TTC27: variants seen among roughly 807,000 people sequenced by gnomAD.
TTC27 encodes the protein tetratricopeptide repeat domain 27, also known as tetratricopeptide repeat protein 27.
Under a neutral mutation model 115.9 loss-of-function variants are expected in TTC27, and 79 were observed. That is an observed-to-expected ratio of 0.68 (90% CI 0.57 to 0.82). The LOEUF (loss-of-function observed/expected upper bound fraction) is 0.82. TTC27 is among the 40% of genes least tolerant of loss of function. The pLI is 0.00. For missense variants in TTC27, 1,054 were observed against 993.1 expected (o/e 1.06, Z -0.82); for synonymous variants, 401 against 356.0 (o/e 1.13, Z -1.42).
intron 13 of TTC27, among the ~76,000 whole-genome samples, chr2:32,771,154 C>G (rs949239164): frequency 2.0e-5 from 3 of 152,160 alleles, no homozygotes; most frequent in African/African-American, 7.2e-5. Context: ...AGGCAAATCT[C>G]TTCATCTTTC....
chr2:32,788,148 A>G (rs1337692760), intron 16 of TTC27, among the ~76,000 whole-genome samples: 1 of 152,224 alleles, frequency 6.6e-6, no homozygotes, highest in Non-Finnish European at 1.5e-5. Flanking sequence ...ACCTGTTCCT[A>G]AAATCTCAAG....
chr2:32,754,145 TTC>T (rs1669119548), intron 12 of TTC27, among the ~76,000 whole-genome samples: 1 of 142,362 alleles, frequency 7.0e-6, no homozygotes, highest in Non-Finnish European at 1.6e-5. Context: ...TCATTCTACA[TTC>T]TTTTTTTTTT....
intron 16 of TTC27, among the ~76,000 whole-genome samples, chr2:32,791,902 TA>T (rs922393364): frequency 2.0e-5 from 3 of 151,966 alleles, no homozygotes; most frequent in Non-Finnish European, 2.9e-5. Context: ...AATAACAAAA[TA>T]AAAAAATAAT....
At chr2:32,631,113 G>T (rs959328726) in intron 2 of TTC27, among the ~76,000 whole-genome samples, 1 of 152,142 alleles carries the variant, frequency 6.6e-6, no homozygotes, top group East Asian at 1.9e-4. Context: ...AGACCAGCCT[G>T]GCAAACATGG....
At chr2:32,813,032 TATAAA>T (rs1392481147) in intron 18 of TTC27, among the ~76,000 whole-genome samples, 2 of 152,154 alleles carry the variant, frequency 1.3e-5, no homozygotes, top group African/African-American at 2.4e-5. Flanking sequence ...ACAAAAGAAA[TATAAA>T]ATAAAAGCCT....
intron 18 of TTC27, among the ~76,000 whole-genome samples, chr2:32,816,555 A>G (rs1228762798): frequency 6.6e-6 from 1 of 152,212 alleles, no homozygotes; most frequent in Non-Finnish European, 1.5e-5. Flanking sequence ...CAGGCCTTCT[A>G]CCAGGAAGAA....
intron 13 of TTC27, among the ~76,000 whole-genome samples, chr2:32,771,105 C>T (rs1669815104): frequency 6.6e-6 from 1 of 152,106 alleles, no homozygotes; most frequent in Non-Finnish European, 1.5e-5. Flanking sequence ...CTACCATAGA[C>T]CTGATTCTGA....
intron 16 of TTC27, among the ~76,000 whole-genome samples, chr2:32,792,172 A>G (rs1670559155): frequency 6.6e-6 from 1 of 152,126 alleles, no homozygotes; most frequent in Non-Finnish European, 1.5e-5. Flanking sequence ...TTTTTATTTG[A>G]TGCTTTCTTT....
At chr2:32,691,727 A>G (rs951183847) in intron 9 of TTC27, among the ~76,000 whole-genome samples, 25 of 104,910 alleles carry the variant, frequency 2.4e-4, no homozygotes, top group African/African-American at 7.4e-4. Flanking sequence ...AATAAATATT[A>G]CTAGAGTTTA....
At chr2:32,707,625 G>A (rs1667422147) in intron 10 of TTC27, among the ~76,000 whole-genome samples, 2 of 151,960 alleles carry the variant, frequency 1.3e-5, no homozygotes, top group African/African-American at 4.8e-5. Flanking sequence ...AAAAACTAAT[G>A]AAGTATATTT....
intron 9 of TTC27, among the ~76,000 whole-genome samples, chr2:32,679,409 A>G (rs1412070373): frequency 1.3e-5 from 2 of 152,210 alleles, no homozygotes; most frequent in African/African-American, 2.4e-5. Context: ...GTTGGAGAAG[A>G]ATAGCAGTGA....
chr2:32,777,511 A>T (rs1352108157), intron 13 of TTC27, among the ~76,000 whole-genome samples: 2 of 152,222 alleles, frequency 1.3e-5, no homozygotes, highest in Non-Finnish European at 2.9e-5. Flanking sequence ...ACAAGAAAAA[A>T]ATGTTTGTAC....
chr2:32,636,913 AGAG>A (rs1416273832), intron 3 of TTC27, among the ~76,000 whole-genome samples: 1 of 152,214 alleles, frequency 6.6e-6, no homozygotes, highest in Non-Finnish European at 1.5e-5. Context: ...GCAGGAATTT[AGAG>A]GAGAGGACAG....
chr2:32,817,516 T>C lies in TTC27; in HGVS notation c.2368T>C (p.Ser790Pro). The C allele has an allele frequency of 1.2e-6, 2 of 1,614,140 alleles. No individual in the cohort carries two copies. Among genetic ancestry groups the C allele is most frequent in the Admixed American group, 3.3e-5 (2 of 60,030 alleles). The part of the protein sequence containing the change: ...SSQEAVQMLS[S>P]VRLNLRGLLS... ...CCAAGAAGCTGTACAAATGCTTTCTTCTGTTCGACTCAATTTACGGGGCTT... is the reference window on the plus strand; with the variant it reads ...CCAAGAAGCTGTACAAATGCTTTCTCCTGTTCGACTCAATTTACGGGGCTT... Residue 790 changes from serine (S) to proline (P), a missense_variant, in exon 19 of 20, where the codon TCT becomes CCT. Coordinates refer to ENST00000317907, the MANE Select transcript of TTC27 (RefSeq NM_017735.5).
intron 18 of TTC27, among the ~76,000 whole-genome samples, chr2:32,817,254 A>AT (rs1382055851): frequency 6.6e-6 from 1 of 152,058 alleles, no homozygotes; most frequent in Non-Finnish European, 1.5e-5. Flanking sequence ...TCTTAAAAAA[A>AT]AAAAAGAAGA....
At chr2:32,775,977 T>G (rs1669984547) in intron 13 of TTC27, among the ~76,000 whole-genome samples, 1 of 152,206 alleles carries the variant, frequency 6.6e-6, no homozygotes, top group Non-Finnish European at 1.5e-5. Flanking sequence ...TCATTTAATT[T>G]TATTAAAAAA....
chr2:32,652,980 C>T (rs1405569296), intron 5 of TTC27, among the ~76,000 whole-genome samples: 1 of 152,098 alleles, frequency 6.6e-6, no homozygotes. Context: ...CATAACTTTG[C>T]TGGGCTGATT....
chr2:32,663,568 G>C (rs1194441681), intron 5 of TTC27, among the ~76,000 whole-genome samples: 8 of 152,136 alleles, frequency 5.3e-5, no homozygotes, highest in Non-Finnish European at 1.2e-4. Flanking sequence ...CCTGCCTTCT[G>C]CCTTGATTTC....
chr2:32,734,922 T>C (rs1440750843), intron 11 of TTC27, among the ~76,000 whole-genome samples: 3 of 152,170 alleles, frequency 2.0e-5, no homozygotes, highest in African/African-American at 7.2e-5. Context: ...TTTAAAAATA[T>C]CTGTTTTACA....
Sources: gnomAD v4.1 joint callset for allele counts (sites outside exome capture counted in the v4.1 genomes callset) on GRCh38, gnomAD v4.1.1 for gene constraint, MANE v1.5 for transcripts, NCBI Gene and HGNC (gene_info 2026-07-23, HGNC 2026-07-21) for gene names.